The following BCL11B variants were observed in gnomAD, a reference collection of about 807,000 sequenced individuals.
BCL11B encodes the protein B-cell lymphoma/leukemia 11B.
BCL11B carries 8 observed loss-of-function variants against 49.9 expected under a neutral mutation model. The ratio of observed to expected loss-of-function variants is 0.16; its 90% CI spans 0.09 to 0.29. The LOEUF (loss-of-function observed/expected upper bound fraction) is 0.29, where lower values mean the gene tolerates loss of function less well. Among genes scored for constraint, BCL11B ranks in the 10% least tolerant of loss-of-function variants. BCL11B has a pLI of 1.00. For missense variants in BCL11B, 1,006 were observed against 1,351.0 expected (o/e 0.74, Z 4.00); for synonymous variants, 739 against 637.4 (o/e 1.16, Z -2.40).
At chr14:99,226,070 G>A (rs193233290) in intron 3 of BCL11B, among the ~76,000 whole-genome samples, 10 of 152,362 alleles carry the variant, frequency 6.6e-5, no homozygotes, top group Admixed American at 2.6e-4. Context: ...TTGCACGCCA[G>A]GAAGAGCAAC....
chr14:99,222,417 T>C (rs1395308943), intron 3 of BCL11B, among the ~76,000 whole-genome samples: 1 of 152,158 alleles, frequency 6.6e-6, no homozygotes, highest in African/African-American at 2.4e-5. Flanking sequence ...CCTGGGCACC[T>C]GCTGGGACTC....
rs1044336119 is a variant in BCL11B at position 99,271,835 on chromosome 14, C to CA, written c.-618dup. 9.2e-4 allele frequency among the ~76,000 whole-genome samples: 140 copies of CA among 152,186 alleles called. 2 individuals carry two copies. The highest frequency in any genetic ancestry group is 3.4e-3 in the Middle Eastern group (1 of 294). ...CTCGTACCCCCTCACCCCGCCCCCT[C>CA]AAAAAACCCAAAGCAATGTAAAACT... On this transcript the variant is annotated 5_prime_UTR_variant, in exon 1 of 4. Transcript: ENST00000357195.
chr14:99,235,035 C>T (rs1014669052), intron 2 of BCL11B, among the ~76,000 whole-genome samples: 1 of 152,158 alleles, frequency 6.6e-6, no homozygotes, highest in Non-Finnish European at 1.5e-5. Context: ...GCTCCTGCTC[C>T]GTTCCTCACA....
At chr14:99,244,440 G>A (rs905511614) in intron 2 of BCL11B, among the ~76,000 whole-genome samples, 6 of 152,166 alleles carry the variant, frequency 3.9e-5, no homozygotes, top group Admixed American at 3.3e-4. Context: ...AAAGGAATCC[G>A]GTAACATAAA....
intron 3 of BCL11B, among the ~76,000 whole-genome samples, chr14:99,199,683 T>TGTGTGTGTGTGTGC (rs759599743): frequency 9.5e-5 from 7 of 73,740 alleles, no homozygotes; most frequent in African/African-American, 1.3e-4. Context: ...TGTGTGTGTG[T>TGTGTGTGTGTGTGC]GCGCGCGCGC....
intron 2 of BCL11B, among the ~76,000 whole-genome samples, chr14:99,254,902 T>C (rs1951986532): frequency 6.6e-6 from 1 of 152,208 alleles, no homozygotes; most frequent in South Asian, 2.1e-4. Context: ...AACTGAAAGT[T>C]ATCTGTGTTT....
intron 3 of BCL11B, among the ~76,000 whole-genome samples, chr14:99,202,515 A>G (rs1312551496): frequency 6.6e-6 from 1 of 152,246 alleles, no homozygotes; most frequent in Non-Finnish European, 1.5e-5. Flanking sequence ...AGGACAGCCC[A>G]GCCCTGGGCC....
intron 3 of BCL11B, among the ~76,000 whole-genome samples, chr14:99,224,305 C>A (rs1057197851): frequency 6.6e-6 from 1 of 152,160 alleles, no homozygotes; most frequent in African/African-American, 2.4e-5. Flanking sequence ...CTGTGTGACC[C>A]CTGGTGGGTT....
At chr14:99,183,981 C>G (rs1366555506) in intron 3 of BCL11B, among the ~76,000 whole-genome samples, 1 of 152,156 alleles carries the variant, frequency 6.6e-6, no homozygotes, top group East Asian at 1.9e-4. Flanking sequence ...GGACTACACA[C>G]AGAACCAAGA....
At chr14:99,229,149 TGGATGGA>T (rs1888255558) in intron 3 of BCL11B, among the ~76,000 whole-genome samples, 1 of 147,820 alleles carries the variant, frequency 6.8e-6, no homozygotes, top group African/African-American at 2.5e-5. Flanking sequence ...GATGGATGGA[TGGATGGA>T]CGGACGGATA....
intron 1 of BCL11B, among the ~76,000 whole-genome samples, chr14:99,266,321 T>C (rs1254554813): frequency 6.6e-6 from 1 of 152,132 alleles, no homozygotes; most frequent in Non-Finnish European, 1.5e-5. Flanking sequence ...GTCTGTGACA[T>C]GCAAGACAGA....
At chr14:99,208,373 A>G (rs541617912) in intron 3 of BCL11B, among the ~76,000 whole-genome samples, 4 of 152,280 alleles carry the variant, frequency 2.6e-5, no homozygotes, top group African/African-American at 9.6e-5. Context: ...TCCTCCACAG[A>G]GGCCAGCATC....
At chr14:99,200,872 T>C (rs1887360268) in intron 3 of BCL11B, among the ~76,000 whole-genome samples, 1 of 152,200 alleles carries the variant, frequency 6.6e-6, no homozygotes. Flanking sequence ...CCCTGGTCAA[T>C]ATTTGCTGAC....
chr14:99,215,913 C>T (rs1887820653), intron 3 of BCL11B, among the ~76,000 whole-genome samples: 1 of 152,074 alleles, frequency 6.6e-6, no homozygotes, highest in Non-Finnish European at 1.5e-5. Flanking sequence ...GAAGTAGGGG[C>T]GAGACGCGAG....
At chr14:99,201,851 C>G (rs1309432649) in intron 3 of BCL11B, among the ~76,000 whole-genome samples, 1 of 152,200 alleles carries the variant, frequency 6.6e-6, no homozygotes, top group African/African-American at 2.4e-5. Context: ...CTCCCGGGCT[C>G]TATGCCAGGG....
At chr14:99,253,797 G>T (rs1245976017) in intron 2 of BCL11B, among the ~76,000 whole-genome samples, 2 of 152,098 alleles carry the variant, frequency 1.3e-5, no homozygotes, top group Non-Finnish European at 2.9e-5. Context: ...GTGCTCCCCT[G>T]AACTCCCACA....
intron 3 of BCL11B, among the ~76,000 whole-genome samples, chr14:99,210,634 G>A (rs963187578): frequency 1.3e-5 from 2 of 152,188 alleles, no homozygotes; most frequent in African/African-American, 4.8e-5. Flanking sequence ...TTGGGTCCAC[G>A]CCAAGGCTTT....
intron 1 of BCL11B, among the ~76,000 whole-genome samples, chr14:99,266,749 T>A (rs1324270774): frequency 6.6e-6 from 1 of 152,234 alleles, no homozygotes; most frequent in African/African-American, 2.4e-5. Flanking sequence ...AGCTGCCAAG[T>A]GGCGCTAGGC....
Position 99,174,047 on chromosome 14 carries a change from A to T in BCL11B, c.*104T>A, listed in dbSNP as rs2139751676. Reference sequence around the variant, plus strand: ...GCCGCCTCCCCTGGGCCCCGGGGACACGCGGGGTGCGGGGTGGCGGTGACA... The same window carrying T: ...GCCGCCTCCCCTGGGCCCCGGGGACTCGCGGGGTGCGGGGTGGCGGTGACA... On this transcript the variant is annotated 3_prime_UTR_variant, in exon 4 of 4. Transcript: ENST00000357195. The T allele has an allele frequency of 1.7e-6, 2 of 1,205,318 alleles. No individual in the cohort carries two copies. The highest frequency in any genetic ancestry group is 2.3e-6 in the Non-Finnish European group (2 of 862,220). 74.7% of individuals were successfully genotyped at this position (1,205,318 alleles called of 1,614,324 possible).
Sources: gnomAD v4.1 joint callset for allele counts (sites outside exome capture counted in the v4.1 genomes callset) on GRCh38, gnomAD v4.1.1 for gene constraint, MANE v1.5 for transcripts, NCBI Gene and HGNC (gene_info 2026-07-23, HGNC 2026-07-21) for gene names.